ARID2: variants seen among roughly 807,000 people sequenced by gnomAD.
ARID2 encodes the protein AT-rich interactive domain-containing protein 2.
A neutral mutation model predicts 184.6 loss-of-function variants in ARID2; 32 were observed. The observed-to-expected ratio is 0.17, with a 90% CI of 0.13 to 0.23. The LOEUF (loss-of-function observed/expected upper bound fraction) is 0.23, where lower values mean the gene tolerates loss of function less well. Among genes scored for constraint, ARID2 ranks in the 10% least tolerant of loss-of-function variants. The probability of loss-of-function intolerance (pLI) is 1.00; values close to 1 mark genes in which losing one functional copy is unlikely to be tolerated. For synonymous variants in ARID2, 836 were observed against 772.6 expected (o/e 1.08, Z -1.36); for missense variants, 1,696 against 2,197.6 (o/e 0.77, Z 4.56).
intron 3 of ARID2, among the ~76,000 whole-genome samples, chr12:45,792,328 A>AG (rs1262729992): frequency 6.6e-6 from 1 of 152,146 alleles, no homozygotes; most frequent in African/African-American, 2.4e-5. Flanking sequence ...TACACTTCTT[A>AG]ATTTCCAAAC....
rs1943574276 is a variant in ARID2 at position 45,852,563 on chromosome 12, A to G, written c.4440A>G (p.Gly1480=). ...ATTCTACAACCTCTGTTATACAGGGACATCAAATCATAGCAGTTCCCGACT... is the reference window on the plus strand; with the variant it reads ...ATTCTACAACCTCTGTTATACAGGGGCATCAAATCATAGCAGTTCCCGACT... ...SPHSTTSVIQ[G]HQIIAVPDSG... The change falls in exon 15 of 21, where the codon GGA becomes GGG. Residue 1480 remains glycine, a synonymous_variant. Transcript: ENST00000334344. The G allele has an allele frequency of 6.2e-7, 1 of 1,613,984 alleles. No homozygotes were observed. The highest frequency in any genetic ancestry group is 8.5e-7 in the Non-Finnish European group (1 of 1,180,006).
chr12:45,744,634 T>C (rs183975272), intron 3 of ARID2, among the ~76,000 whole-genome samples: 1 of 152,286 alleles, frequency 6.6e-6, no homozygotes, highest in Admixed American at 6.5e-5. Flanking sequence ...TTACTTGATA[T>C]TTAATAATAA....
At chr12:45,861,033 C>A in intron 16 of ARID2, 84 bp downstream of exon 16, 1 of 1,285,462 alleles carries the variant, frequency 7.8e-7, no homozygotes, top group Non-Finnish European at 1.0e-6. Context: ...TCTATAGTTG[C>A]ATGAAAATTT....
chr12:45,733,981 T>C (rs1432666006), intron 3 of ARID2, among the ~76,000 whole-genome samples: 1 of 152,180 alleles, frequency 6.6e-6, no homozygotes, highest in Admixed American at 6.5e-5. Context: ...GTTTCTCACC[T>C]ACTCCAGAAA....
chr12:45,879,158 T>A (rs970799880), intron 16 of ARID2, among the ~76,000 whole-genome samples: 2 of 152,212 alleles, frequency 1.3e-5, no homozygotes, highest in African/African-American at 2.4e-5. Context: ...AAGTCGGCCT[T>A]CATCTAAGGG....
chr12:45,887,593 A>G (rs1944216276), intron 16 of ARID2, among the ~76,000 whole-genome samples: 1 of 152,252 alleles, frequency 6.6e-6, no homozygotes, highest in African/African-American at 2.4e-5. Context: ...TCATAGACAC[A>G]TGGAAGTGTG....
chr12:45,880,885 A>C (rs1592138587), intron 16 of ARID2: 1 of 186,538 alleles, frequency 5.4e-6, no homozygotes, highest in East Asian at 1.3e-4. Flanking sequence ...TCATCTGCAT[A>C]AGTGAATATA....
chr12:45,774,532 CA>C (rs1941939449), intron 3 of ARID2, among the ~76,000 whole-genome samples: 1 of 152,018 alleles, frequency 6.6e-6, no homozygotes, highest in South Asian at 2.1e-4. Context: ...CATGTGTGTA[CA>C]TGTTTGTGTG....
chr12:45,817,563 A>G (rs1942826301), intron 4 of ARID2, 107 bp from the exon 5 acceptor site: 2 of 254,040 alleles, frequency 7.9e-6, no homozygotes, highest in Non-Finnish European at 1.4e-5. Context: ...ATTATATTTT[A>G]TATATATTAT....
chr12:45,831,398 G>A (rs1943119734), intron 6 of ARID2, among the ~76,000 whole-genome samples: 1 of 151,966 alleles, frequency 6.6e-6, no homozygotes, highest in African/African-American at 2.4e-5. Context: ...AATTGTTATG[G>A]ATATGTAGTA....
At chr12:45,755,942 G>C (rs1349416328) in intron 3 of ARID2, 2 of 164,310 alleles carry the variant, frequency 1.2e-5, no homozygotes, top group Admixed American at 6.5e-5. Flanking sequence ...GTCTCACTCT[G>C]TCACCCAGGC....
chr12:45,818,526 T>C (rs1232987331), intron 5 of ARID2, among the ~76,000 whole-genome samples: 1 of 152,174 alleles, frequency 6.6e-6, no homozygotes, highest in Non-Finnish European at 1.5e-5. Flanking sequence ...GCTGAAGTTA[T>C]TGGTATAAAG....
chr12:45,822,103 C>T (rs1438897311), intron 6 of ARID2, among the ~76,000 whole-genome samples: 1 of 152,150 alleles, frequency 6.6e-6, no homozygotes, highest in Non-Finnish European at 1.5e-5. Context: ...ATTGTTTAAA[C>T]ACCTTTTCTT....
intron 3 of ARID2, among the ~76,000 whole-genome samples, chr12:45,754,685 T>C (rs2097841835): frequency 6.6e-6 from 1 of 152,228 alleles, no homozygotes; most frequent in African/African-American, 2.4e-5. Flanking sequence ...TTCCTCCTCA[T>C]TTATATCTCT....
chr12:45,904,315 T>C (rs756340168), intron 20 of ARID2: 16 of 715,910 alleles, frequency 2.2e-5, no homozygotes, highest in Non-Finnish European at 1.8e-5. Context: ...CCAGCTGTTT[T>C]CTGACACCAT....
intron 20 of ARID2, among the ~76,000 whole-genome samples, chr12:45,896,917 CT>C (rs1944375810): frequency 6.6e-6 from 1 of 152,098 alleles, no homozygotes; most frequent in East Asian, 1.9e-4. Context: ...CAGTGATAAT[CT>C]TACTCAAAAA....
intron 3 of ARID2, among the ~76,000 whole-genome samples, chr12:45,740,950 C>T (rs1941241965): frequency 6.6e-6 from 1 of 152,152 alleles, no homozygotes; most frequent in Admixed American, 6.6e-5. Context: ...CTCCTGATTT[C>T]TCCACTGTAA....
At chr12:45,791,288 A>T (rs1422777831) in intron 3 of ARID2, among the ~76,000 whole-genome samples, 1 of 152,158 alleles carries the variant, frequency 6.6e-6, no homozygotes, top group African/African-American at 2.4e-5. Context: ...AATTGAAAAG[A>T]GATACTGAAT....
chr12:45,848,451 A>G (rs1407956547), intron 12 of ARID2, among the ~76,000 whole-genome samples: 2 of 152,120 alleles, frequency 1.3e-5, no homozygotes, highest in Non-Finnish European at 2.9e-5. Flanking sequence ...CATTTTCTTC[A>G]GCTACAATGC....
Sources: allele counts gnomAD v4.1 joint callset (sites outside exome capture counted in the v4.1 genomes callset), GRCh38; gene constraint gnomAD v4.1.1; transcripts MANE v1.5; gene names NCBI Gene and HGNC (gene_info 2026-07-23, HGNC 2026-07-21).